ALOX12: variants seen among roughly 807,000 people sequenced by gnomAD.
ALOX12 encodes the protein arachidonate 12-lipoxygenase, 12S type.
A neutral mutation model predicts 85.5 loss-of-function variants in ALOX12; 62 were observed. The ratio of observed to expected loss-of-function variants is 0.73; its 90% CI spans 0.59 to 0.90. The LOEUF (loss-of-function observed/expected upper bound fraction) is 0.90. Among genes scored for constraint, ALOX12 ranks in the 40% least tolerant of loss-of-function variants. ALOX12 has a pLI of 0.00. For synonymous variants in ALOX12, 299 were observed against 332.7 expected, an observed-to-expected ratio of 0.90 and a Z score of 1.10; for missense variants, 751 against 856.5, an observed-to-expected ratio of 0.88 and a Z score of 1.54.
At chr17:7,005,193 C>T (rs1430489075) in intron 8 of ALOX12, 64 bp from the exon 9 acceptor site, 1 of 1,425,744 alleles carries the variant, frequency 7.0e-7, no homozygotes, top group African/African-American at 1.4e-5. Context: ...GGGTGCCAGG[C>T]CCTACCAGGA....
At chr17:7,002,663 A>T in intron 8 of ALOX12, 1 of 363,548 alleles carries the variant, frequency 2.8e-6, no homozygotes, top group Non-Finnish European at 5.4e-6. Flanking sequence ...TAATTTTATA[A>T]AACAGTGAGT....
chr17:6,997,193 G>C (rs1419228490), intron 2 of ALOX12, 166 bp downstream of exon 2: 2 of 970,988 alleles, frequency 2.1e-6, no homozygotes, highest in Non-Finnish European at 2.4e-6. Flanking sequence ...AAGGAGTTAT[G>C]AATTCCCAAA....
At chr17:6,997,089 G>A in intron 2 of ALOX12, 62 bp downstream of exon 2, 1 of 1,487,020 alleles carries the variant, frequency 6.7e-7, no homozygotes, top group Non-Finnish European at 9.0e-7. Flanking sequence ...GGGCTAGGAG[G>A]GCAGAGTTAA....
chr17:7,003,864 G>T (rs761861921), intron 8 of ALOX12, among the ~76,000 whole-genome samples: 21 of 151,932 alleles, frequency 1.4e-4, no homozygotes, highest in Non-Finnish European at 3.1e-4. Flanking sequence ...GAGCTGCTTT[G>T]GTATCTTAAC....
chr17:6,998,896 T>C (rs1025280513), intron 4 of ALOX12, 57 bp from the exon 5 acceptor site: 28 of 1,613,926 alleles, frequency 1.7e-5, no homozygotes, highest in Admixed American at 1.2e-4. Context: ...AGAATGATGA[T>C]AGACGGTGAG....
At chr17:7,009,331 C>G (rs995387099) in intron 11 of ALOX12, among the ~76,000 whole-genome samples, 1 of 152,062 alleles carries the variant, frequency 6.6e-6, no homozygotes, top group African/African-American at 2.4e-5. Context: ...AGTGCTGGGA[C>G]TACAGGCGTG....
In ALOX12 at chr17:7,001,763, C is replaced by T. The variant is rs1003761536; in HGVS notation, c.1113C>T (p.Ile371=). 88 of 1,613,960 alleles carry T rather than the reference C, an allele frequency of 5.5e-5. No individual in the cohort carries two copies. Among genetic ancestry groups the T allele is most frequent in the Non-Finnish European group, 6.7e-5 (79 of 1,179,980 alleles). ...LLNTHLVAEV[I]AVATMRCLPG... The stretch of plus-strand genomic sequence containing the variant: ...ACACTCACCTGGTGGCTGAGGTCAT[C>T]GCTGTCGCCACCATGCGGTGCCTCC... Residue 371 remains isoleucine (I), a synonymous_variant, in exon 8 of 14, where the codon ATC becomes ATT. Transcript: ENST00000251535.
At position 7,005,474 on chromosome 17, in the gene ALOX12, CTTTTTTTTTTTTT is replaced by C. The variant is rs35201122; in HGVS notation, c.1248+143_1248+155del. On this transcript the variant is annotated intron_variant, in intron 9 of 13. Coordinates refer to ENST00000251535, the MANE Select transcript of ALOX12 (RefSeq NM_000697.3). The stretch of plus-strand genomic sequence containing the variant: ...GAACCTGTCCCTTTTATACCCATGT[CTTTTTTTTTTTTT>C]TTTTTTTTTTTGAGACAGAGTCTAG... 16 of 223,308 alleles carry C rather than the reference CTTTTTTTTTTTTT, an allele frequency of 7.2e-5. 1 individual carries two copies. The highest frequency in any genetic ancestry group is 2.1e-4 in the Admixed American group (3 of 14,572). The allele number at this position is 223,308 out of a possible 1,614,324, so 13.8% of individuals were successfully genotyped here.
In ALOX12 at chr17:6,998,537, C is replaced by T. The variant is rs773846883; in HGVS notation, c.366C>T (p.Asp122=). The part of the protein sequence containing the change: ...TARLPGDNAL[D]MFQKHREKEL... ...GCCTGCCAGGAGACAATGCTTTGGA[C>T]ATGTTCCAGAAGCATCGAGAGAAGG... Residue 122 remains aspartate (D), a synonymous_variant, in exon 3 of 14, where the codon GAC becomes GAT. Transcript: ENST00000251535. The T allele has an allele frequency of 6.2e-7, 1 of 1,613,838 alleles. No individual in the cohort carries two copies. The highest frequency in any genetic ancestry group is 1.1e-5 in the South Asian group (1 of 91,024).
At chr17:6,998,374 G>A in intron 2 of ALOX12, 135 bp from the exon 3 acceptor site, 1 of 643,802 alleles carries the variant, frequency 1.6e-6, no homozygotes, top group South Asian at 1.9e-5. Context: ...ATAATCAAAT[G>A]AGGCAAAGCC....
At chr17:7,009,711 G>T (rs747299676) in intron 11 of ALOX12, 36 bp from the exon 12 acceptor site, 1 of 1,556,196 alleles carries the variant, frequency 6.4e-7, no homozygotes. Context: ...CTCCTCTTAT[G>T]CTGTAGCTTC....
intron 8 of ALOX12, chr17:7,002,508 C>T (rs1410514685): frequency 2.1e-6 from 1 of 468,950 alleles, no homozygotes; most frequent in African/African-American, 2.0e-5. Flanking sequence ...GTTTTAAGAG[C>T]TGGGTGTGGT....
intron 8 of ALOX12, chr17:7,002,106 T>C: frequency 2.5e-6 from 1 of 404,504 alleles, no homozygotes; most frequent in Non-Finnish European, 4.5e-6. Context: ...ATCTAGTATT[T>C]AGCCAGAAAA....
chr17:7,008,613 G>A (rs141504913), intron 11 of ALOX12, among the ~76,000 whole-genome samples: 480 of 152,256 alleles, frequency 3.2e-3, no homozygotes, highest in Admixed American at 4.5e-3. Flanking sequence ...GGGCATGGTG[G>A]TGGGAGCCTG....
Position 6,996,935 on chromosome 17 carries a change from C to T in ALOX12, c.245C>T (p.Thr82Met). 6.2e-7 allele frequency: 1 copy of T among 1,606,814 alleles called. No individual in the cohort carries two copies. The highest frequency in any genetic ancestry group is 8.5e-7 in the Non-Finnish European group (1 of 1,176,702). ...VDDAWFCDRI[T>M]VQGPGACAEV... ...GACGCGTGGTTCTGCGACCGCATCA[C>T]GGTGCAGGGCCCTGGAGCCTGCGCG... The change falls in exon 2 of 14, where the codon ACG becomes ATG. Residue 82 changes from threonine (T) to methionine (M), a missense_variant. Thr to Met is a moderately conservative substitution (Grantham distance 81, BLOSUM62 -1). Coordinates refer to ENST00000251535, the MANE Select transcript of ALOX12 (RefSeq NM_000697.3).
At position 6,998,805 on chromosome 17, in the gene ALOX12, G is replaced by A; in HGVS notation, c.510G>A (p.Lys170=). 1.2e-6 allele frequency: 2 copies of A among 1,614,228 alleles called. No individual in the cohort carries two copies. Among genetic ancestry groups the A allele is most frequent in the Non-Finnish European group, 1.7e-6 (2 of 1,180,040 alleles). ...LPPNMRFHEE[K]RLDFEWTLKA... is the part of the protein sequence containing the mutation. ...CAAATATGAGATTCCATGAGGAGAA[G>A]AGGCTGGACTTTGAATGGACACTGA... The change falls in exon 4 of 14, where the codon AAG becomes AAA. Residue 170 remains lysine (K), a synonymous_variant. Transcript: ENST00000251535.
intron 2 of ALOX12, among the ~76,000 whole-genome samples, chr17:6,997,394 A>C (rs1053034625): frequency 9.2e-5 from 14 of 151,804 alleles, no homozygotes; most frequent in African/African-American, 3.1e-4. Context: ...ACCACATGGA[A>C]CAGGAGGGGG....
Position 7,010,587 on chromosome 17 carries a change from T to C in ALOX12, c.*164T>C, listed in dbSNP as rs1041287151. ...CACTAGCCCAGGGGAGCAGTAAACT[T>C]TCTCTGCAAAGACTAGATCCTTTTT... On this transcript the variant is annotated 3_prime_UTR_variant, in exon 14 of 14. Transcript: ENST00000251535. 5 of 836,670 alleles carry C rather than the reference T, an allele frequency of 6.0e-6. No individual in the cohort carries two copies. Among genetic ancestry groups the C allele is most frequent in the Non-Finnish European group, 8.9e-6 (5 of 564,922 alleles). The allele number at this position is 836,670 out of a possible 1,614,324, so 51.8% of individuals were successfully genotyped here. A position where few individuals can be genotyped will look rare whatever the true frequency, so the allele number is the denominator to read the frequency against.
chr17:7,002,231 AG>A (rs1908746465), intron 8 of ALOX12: 4 of 332,796 alleles, frequency 1.2e-5, no homozygotes, highest in Non-Finnish European at 1.8e-5. Flanking sequence ...TACCCAATTG[AG>A]GAGTCAGCTA....
Sources: allele counts gnomAD v4.1 joint callset (sites outside exome capture counted in the v4.1 genomes callset), GRCh38; gene constraint gnomAD v4.1.1; transcripts MANE v1.5; gene names NCBI Gene and HGNC (gene_info 2026-07-23, HGNC 2026-07-21).